SEMA5A: variants seen among roughly 807,000 people sequenced by gnomAD.
SEMA5A encodes semaphorin 5A.
In SEMA5A, 55 loss-of-function variants were observed where a neutral mutation model predicts 135.5. That is an observed-to-expected ratio of 0.41 (90% CI 0.33 to 0.51). The LOEUF is 0.51. Among genes scored for constraint, SEMA5A ranks in the 20% least tolerant of loss-of-function variants. The probability of loss-of-function intolerance (pLI) is 0.37; values close to 1 mark genes in which losing one functional copy is unlikely to be tolerated. For missense variants in SEMA5A, 1,290 were observed against 1,419.9 expected, an observed-to-expected ratio of 0.91 and a Z score of 1.47; for synonymous variants, 580 against 546.5, an observed-to-expected ratio of 1.06 and a Z score of -0.85.
At chr5:9,313,705 C>T (rs949544552) in intron 5 of SEMA5A, among the ~76,000 whole-genome samples, 1 of 152,140 alleles carries the variant, frequency 6.6e-6, no homozygotes, top group Non-Finnish European at 1.5e-5. Flanking sequence ...GGGTCACCAG[C>T]CAAGCAGGCA....
chr5:9,465,400 A>G (rs1424008078), intron 1 of SEMA5A, among the ~76,000 whole-genome samples: 1 of 152,238 alleles, frequency 6.6e-6, no homozygotes, highest in African/African-American at 2.4e-5. Context: ...GGAGCATTTT[A>G]AAGACTTATC....
At chr5:9,426,814 G>A (rs72729112) in intron 2 of SEMA5A, among the ~76,000 whole-genome samples, 1,780 of 152,274 alleles carry the variant, frequency 0.012, 16 homozygotes, top group Non-Finnish European at 0.02. Flanking sequence ...GCAAGAAAAT[G>A]AGAGTCAAAG....
At chr5:9,247,782 G>A (rs544224458) in intron 5 of SEMA5A, among the ~76,000 whole-genome samples, 43 of 152,086 alleles carry the variant, frequency 2.8e-4, no homozygotes, top group Non-Finnish European at 2.8e-4. Context: ...AAATGAACAC[G>A]AAAATTTGTT....
intron 11 of SEMA5A, among the ~76,000 whole-genome samples, chr5:9,189,619 CA>C (rs1744991494): frequency 6.6e-6 from 1 of 152,144 alleles, no homozygotes; most frequent in Non-Finnish European, 1.5e-5. Flanking sequence ...AAGAGAAGGA[CA>C]AGCCCACAGA....
intron 2 of SEMA5A, among the ~76,000 whole-genome samples, chr5:9,414,467 T>A (rs750162998): frequency 2.0e-5 from 3 of 152,206 alleles, no homozygotes; most frequent in Non-Finnish European, 2.9e-5. Flanking sequence ...CATCCAGTGG[T>A]CTGATTATGG....
chr5:9,041,888 A>T lies in SEMA5A; in HGVS notation c.*1009T>A, dbSNP rs551628175. 1 of 152,796 alleles carries T rather than the reference A, an allele frequency of 6.5e-6. No individual in the cohort carries two copies. The highest frequency in any genetic ancestry group is 2.4e-5 in the African/African-American group (1 of 41,576). The allele number at this position is 152,796 out of a possible 1,614,324, so 9.5% of individuals were successfully genotyped here. The stretch of plus-strand genomic sequence containing the variant: ...GATGAAAAATAAAATGATTATCATT[A>T]ATATCAGTTCTTTCAATATTTTCAA... On this transcript the variant is annotated 3_prime_UTR_variant, in exon 23 of 23. Transcript: ENST00000382496.
chr5:9,155,616 C>A (rs886511), intron 11 of SEMA5A, among the ~76,000 whole-genome samples: 22,108 of 152,126 alleles, frequency 0.15, 2,917 homozygotes, highest in East Asian at 0.46. Flanking sequence ...TGAATAAAAC[C>A]TTCCATGATC....
At chr5:9,480,210 C>G (rs1202551690) in intron 1 of SEMA5A, among the ~76,000 whole-genome samples, 1 of 152,162 alleles carries the variant, frequency 6.6e-6, no homozygotes, top group Non-Finnish European at 1.5e-5. Context: ...GGCAAAATCA[C>G]TTCCAGTAAA....
At chr5:9,190,866 A>G (rs780576470) in intron 10 of SEMA5A, among the ~76,000 whole-genome samples, 2 of 152,218 alleles carry the variant, frequency 1.3e-5, no homozygotes, top group African/African-American at 4.8e-5. Flanking sequence ...AAAATGCAAC[A>G]ATCAAGGATC....
chr5:9,372,615 C>A (rs1460358566), intron 3 of SEMA5A, among the ~76,000 whole-genome samples: 2 of 152,098 alleles, frequency 1.3e-5, no homozygotes, highest in South Asian at 2.1e-4. Flanking sequence ...ATGAGACATG[C>A]ATGTAGCTGT....
intron 9 of SEMA5A, among the ~76,000 whole-genome samples, chr5:9,200,601 T>TAAGA (rs1435187193): frequency 2.0e-5 from 3 of 152,162 alleles, no homozygotes; most frequent in Admixed American, 1.3e-4. Flanking sequence ...TTTATGAAAA[T>TAAGA]AAAGATGGCC....
At position 9,332,465 on chromosome 5, in the gene SEMA5A, G is replaced by T. The variant is rs1328869363; in HGVS notation, c.224+5248C>A. On this transcript the variant is annotated intron_variant, in intron 4 of 22. Coordinates refer to ENST00000382496, the MANE Select transcript of SEMA5A (RefSeq NM_003966.3). ...ACATTGGGTCAGGTGTGTGAGGCAT[G>T]CAGCTATAGGCTGGTACTCACATTG... Among the ~76,000 whole-genome samples the T allele has an allele frequency of 1.3e-5, 2 of 151,608 alleles. 1 individual carries two copies. The highest frequency in any genetic ancestry group is 4.8e-5 in the African/African-American group (2 of 41,240).
intron 1 of SEMA5A, among the ~76,000 whole-genome samples, chr5:9,440,236 G>A (rs1204444650): frequency 1.3e-5 from 2 of 152,226 alleles, no homozygotes; most frequent in Non-Finnish European, 2.9e-5. Context: ...TCATAAATTA[G>A]CCAATGCATT....
At chr5:9,527,723 A>G (rs537067207) in intron 1 of SEMA5A, among the ~76,000 whole-genome samples, 1 of 152,302 alleles carries the variant, frequency 6.6e-6, no homozygotes, top group African/African-American at 2.4e-5. Context: ...CAAAACCCCT[A>G]TGAGGTAGGA....
At position 9,512,226 on chromosome 5, in the gene SEMA5A, C is replaced by T. The variant is rs929849158; in HGVS notation, c.-175+33358G>A. ...TCAACCTCATCCATACATAAAAAAG[C>T]GTGCTAAACATTTACTTTTGTATGA... On this transcript the variant is annotated intron_variant, in intron 1 of 22. Transcript: ENST00000382496. 2.8e-4 allele frequency among the ~76,000 whole-genome samples: 43 copies of T among 152,308 alleles called. 1 individual carries two copies. The highest frequency in any genetic ancestry group is 1.2e-3 in the South Asian group (6 of 4,830).
At chr5:9,093,830 G>A (rs927794465) in intron 16 of SEMA5A, among the ~76,000 whole-genome samples, 1 of 152,108 alleles carries the variant, frequency 6.6e-6, no homozygotes, top group Non-Finnish European at 1.5e-5. Flanking sequence ...ACATCCTGTA[G>A]CCCACAAGTG....
At chr5:9,148,685 G>T (rs1416027265) in intron 12 of SEMA5A, among the ~76,000 whole-genome samples, 3 of 152,058 alleles carry the variant, frequency 2.0e-5, no homozygotes, top group Non-Finnish European at 4.4e-5. Flanking sequence ...CAGTGCCTTA[G>T]TCCTCCTGCT....
At chr5:9,257,036 C>T (rs955932580) in intron 5 of SEMA5A, among the ~76,000 whole-genome samples, 12 of 152,174 alleles carry the variant, frequency 7.9e-5, no homozygotes, top group Admixed American at 6.5e-5. Context: ...AACTCTCAGG[C>T]AAAGTAATTT....
At chr5:9,506,455 C>G (rs1480820758) in intron 1 of SEMA5A, among the ~76,000 whole-genome samples, 1 of 152,160 alleles carries the variant, frequency 6.6e-6, no homozygotes, top group African/African-American at 2.4e-5. Context: ...GACAGTCTTA[C>G]AAGGTTCAGT....
Sources: allele counts gnomAD v4.1 joint callset (sites outside exome capture counted in the v4.1 genomes callset), GRCh38; gene constraint gnomAD v4.1.1; transcripts MANE v1.5; gene names NCBI Gene and HGNC (gene_info 2026-07-23, HGNC 2026-07-21).